The following DPYD variants were observed in gnomAD, a reference collection of about 807,000 sequenced individuals.
DPYD encodes dihydropyrimidine dehydrogenase.
DPYD carries 109 observed loss-of-function variants against 116.2 expected under a neutral mutation model. The observed-to-expected ratio is 0.94, with a 90% confidence interval of 0.80 to 1.10. DPYD has a LOEUF of 1.10. DPYD is among the 50% of genes least tolerant of loss of function. The pLI, the probability that DPYD is intolerant of heterozygous loss-of-function variation, is 0.00. For synonymous variants in DPYD, 440 were observed against 432.0 expected (o/e 1.02, Z -0.23); for missense variants, 1,302 against 1,254.5 (o/e 1.04, Z -0.57).
intron 18 of DPYD, among the ~76,000 whole-genome samples, chr1:97,296,453 A>C (rs1212239794): frequency 6.6e-6 from 1 of 152,106 alleles, no homozygotes; most frequent in Non-Finnish European, 1.5e-5. Context: ...CTGATGATAA[A>C]CTCTATTTAA....
chr1:97,649,066 T>C (rs1658430755), intron 8 of DPYD, among the ~76,000 whole-genome samples: 2 of 152,078 alleles, frequency 1.3e-5, no homozygotes, highest in Non-Finnish European at 2.9e-5. Flanking sequence ...ATGTTAAGCA[T>C]GTTAGGCTAC....
chr1:97,212,108 G>C (rs1269647542), intron 19 of DPYD, among the ~76,000 whole-genome samples: 1 of 139,418 alleles, frequency 7.2e-6, no homozygotes, highest in East Asian at 2.4e-4. Flanking sequence ...CACTATACGT[G>C]TGCAAGGCAA....
At chr1:97,463,198 G>C (rs184084045) in intron 13 of DPYD, among the ~76,000 whole-genome samples, 1 of 152,310 alleles carries the variant, frequency 6.6e-6, no homozygotes, top group Admixed American at 6.5e-5. Flanking sequence ...CTCGAATGTT[G>C]AGGGAGGGAC....
chr1:97,110,588 A>G (rs970677858), intron 20 of DPYD, among the ~76,000 whole-genome samples: 1 of 152,104 alleles, frequency 6.6e-6, no homozygotes, highest in African/African-American at 2.4e-5. Context: ...ATAACAAAAC[A>G]ATTTCTGTGA....
chr1:97,786,921 C>A (rs1291378516), intron 3 of DPYD, among the ~76,000 whole-genome samples: 1 of 152,088 alleles, frequency 6.6e-6, no homozygotes, highest in Non-Finnish European at 1.5e-5. Flanking sequence ...GTAAATTGTT[C>A]TCCTTTTGCA....
chr1:97,254,995 T>C (rs1663354113), intron 18 of DPYD, among the ~76,000 whole-genome samples: 1 of 152,176 alleles, frequency 6.6e-6, no homozygotes. Context: ...GTGGTTGTGG[T>C]AAACTGTTCA....
intron 7 of DPYD, among the ~76,000 whole-genome samples, chr1:97,687,229 C>T (rs1199682893): frequency 2.0e-5 from 3 of 152,098 alleles, no homozygotes; most frequent in Admixed American, 1.3e-4. Flanking sequence ...CAAGATAGTG[C>T]CACTGCACTC....
intron 18 of DPYD, among the ~76,000 whole-genome samples, chr1:97,282,565 A>C (rs1372116176): frequency 6.6e-6 from 1 of 152,100 alleles, no homozygotes; most frequent in Non-Finnish European, 1.5e-5. Flanking sequence ...TTAAAATAAA[A>C]TTCAACTTTT....
intron 4 of DPYD, among the ~76,000 whole-genome samples, chr1:97,734,925 C>T (rs1231790418): frequency 6.6e-6 from 1 of 152,138 alleles, no homozygotes; most frequent in African/African-American, 2.4e-5. Context: ...TTAAAATTAA[C>T]CCCACCTAGG....
At chr1:97,515,642 G>A (rs967703397) in intron 13 of DPYD, 84 bp downstream of exon 13, 16 of 1,206,996 alleles carry the variant, frequency 1.3e-5, no homozygotes, top group Non-Finnish European at 1.2e-5. Context: ...GTATTTCTTA[G>A]TAAAAAAAAT....
At chr1:97,907,053 CTT>C (rs1261734799) in intron 1 of DPYD, among the ~76,000 whole-genome samples, 1 of 152,056 alleles carries the variant, frequency 6.6e-6, no homozygotes, top group Non-Finnish European at 1.5e-5. Context: ...AGGCAGGGAG[CTT>C]AGAAAGTGTG....
intron 16 of DPYD, among the ~76,000 whole-genome samples, chr1:97,329,752 T>G (rs1668892030): frequency 1.6e-5 from 2 of 127,280 alleles, no homozygotes; most frequent in African/African-American, 3.0e-5. Context: ...AACTCCATCT[T>G]AAAAAAAAAA....
intron 21 of DPYD, among the ~76,000 whole-genome samples, chr1:97,087,399 C>T (rs975850955): frequency 6.6e-6 from 1 of 152,162 alleles, no homozygotes; most frequent in African/African-American, 2.4e-5. Context: ...TAACTAAGGA[C>T]TCGGCTTGAA....
At chr1:97,848,679 A>G (rs1670427693) in intron 2 of DPYD, among the ~76,000 whole-genome samples, 3 of 152,248 alleles carry the variant, frequency 2.0e-5, no homozygotes, top group Admixed American at 2.0e-4. Context: ...TATAAAGGAA[A>G]GATTATGTTG....
Position 97,551,754 on chromosome 1 carries a change from C to T in DPYD, c.1340-2010G>A, listed in dbSNP as rs548070794. Among the ~76,000 whole-genome samples the T allele has an allele frequency of 2.6e-5, 4 of 152,158 alleles. No individual in the cohort carries two copies. In the East Asian group the frequency reaches 7.7e-4, roughly 29 times the overall value. On this transcript the variant is annotated intron_variant, in intron 11 of 22. Transcript: ENST00000370192. ...GAGTCAAAGACATGTTTACAGTCGG[C>T]CCTCCATATCTGTGGGTTCCACATC...
Position 97,305,365 on chromosome 1 carries a change from G to A in DPYD, c.2193C>T (p.Gly731=), listed in dbSNP as rs139543981. ...ARAAKEGGAN[G]VTATNTVSGL... ...CTGAGACAGTGTTGGTGGCTGTAAC[G>A]CCATTGGCACCACCTATGCAAGACA... The change falls in exon 18 of 23, where the codon GGC becomes GGT. Residue 731 remains glycine (G), a synonymous_variant. Coordinates refer to ENST00000370192, the MANE Select transcript of DPYD (RefSeq NM_000110.4). The A allele has an allele frequency of 8.1e-5, 130 of 1,612,046 alleles. No individual in the cohort carries two copies. The highest frequency in any genetic ancestry group is 1.0e-4 in the Non-Finnish European group (120 of 1,178,780).
intron 10 of DPYD, among the ~76,000 whole-genome samples, chr1:97,591,259 A>T (rs1654498298): frequency 1.3e-5 from 2 of 152,128 alleles, no homozygotes; most frequent in Non-Finnish European, 2.9e-5. Context: ...TCACACACTC[A>T]TTATACTCCT....
chr1:97,809,469 A>C (rs1309286788), intron 3 of DPYD, among the ~76,000 whole-genome samples: 1 of 152,200 alleles, frequency 6.6e-6, no homozygotes, highest in Admixed American at 6.5e-5. Context: ...TGGTAGTCTT[A>C]GAGGCTGTCA....
At chr1:97,137,092 A>G (rs1230322454) in intron 20 of DPYD, among the ~76,000 whole-genome samples, 1 of 152,202 alleles carries the variant, frequency 6.6e-6, no homozygotes, top group Non-Finnish European at 1.5e-5. Flanking sequence ...AACCAGGTTT[A>G]TTGTTCATCG....
Sources: gnomAD v4.1 joint callset for allele counts (sites outside exome capture counted in the v4.1 genomes callset) on GRCh38, gnomAD v4.1.1 for gene constraint, MANE v1.5 for transcripts, NCBI Gene and HGNC (gene_info 2026-07-23, HGNC 2026-07-21) for gene names.